Variants in IFT80 observed in about 807,000 individuals in gnomAD.
The protein encoded by IFT80 is intraflagellar transport protein 80 homolog.
In IFT80, 79 loss-of-function variants were observed where a neutral mutation model predicts 107.9. The ratio of observed to expected loss-of-function variants is 0.73; its 90% confidence interval spans 0.61 to 0.88. The LOEUF is 0.88. Ranked by LOEUF, IFT80 falls within the 40% of genes least tolerant of loss-of-function variation. The probability of loss-of-function intolerance (pLI) is 0.00; values close to 1 mark genes in which losing one functional copy is unlikely to be tolerated. For synonymous variants in IFT80, 299 were observed against 300.9 expected (o/e 0.99, Z 0.07); for missense variants, 797 against 914.2 (o/e 0.87, Z 1.65).
At chr3:160,260,107 G>A (rs1712697316) in intron 19 of IFT80, among the ~76,000 whole-genome samples, 1 of 152,066 alleles carries the variant, frequency 6.6e-6, no homozygotes, top group Non-Finnish European at 1.5e-5. Flanking sequence ...GAATTGCTGT[G>A]AAGCAATTTG....
intron 12 of IFT80, among the ~76,000 whole-genome samples, chr3:160,292,298 T>C (rs113002909): frequency 6.6e-6 from 1 of 152,102 alleles, no homozygotes; most frequent in African/African-American, 2.4e-5. Flanking sequence ...TGTCCAACAA[T>C]GGGCAGAGAG....
chr3:160,382,285 C>T (rs1712578129), intron 2 of IFT80, among the ~76,000 whole-genome samples: 1 of 152,108 alleles, frequency 6.6e-6, no homozygotes, highest in South Asian at 2.1e-4. Context: ...TATGGTTTAA[C>T]AGCTGAAACT....
intron 8 of IFT80, chr3:160,343,890 ACT>A: frequency 4.7e-6 from 1 of 211,966 alleles, no homozygotes; most frequent in Non-Finnish European, 9.9e-6. Context: ...CATCTAACAG[ACT>A]CTCAATAAAT....
chr3:160,345,342 C>T (rs552330861), intron 8 of IFT80, among the ~76,000 whole-genome samples: 1 of 152,172 alleles, frequency 6.6e-6, no homozygotes, highest in East Asian at 1.9e-4. Context: ...TACAGAAAGA[C>T]AAATATTGCA....
In IFT80 at chr3:160,309,332, G is replaced by C. The variant is rs2108279550; in HGVS notation, c.958-1551C>G. 1.3e-5 allele frequency among the ~76,000 whole-genome samples: 2 copies of C among 152,304 alleles called. 1 individual carries two copies. Among genetic ancestry groups the C allele is most frequent in the Non-Finnish European group, 2.9e-5 (2 of 68,020 alleles). On this transcript the variant is annotated intron_variant, in intron 9 of 19. Coordinates refer to ENST00000326448, the MANE Select transcript of IFT80 (RefSeq NM_020800.3). ...GTATAAACTATGATATAGTCACACA[G>C]GGGAATATTATACAGCTATAAAAAG... is the stretch of plus-strand genomic sequence containing the variant.
intron 18 of IFT80, among the ~76,000 whole-genome samples, chr3:160,272,105 T>C (rs1254212221): frequency 2.6e-5 from 4 of 152,240 alleles, no homozygotes; most frequent in South Asian, 2.1e-4. Flanking sequence ...GTCCAGTTTC[T>C]TCAATGGGAA....
At chr3:160,383,816 T>C in intron 2 of IFT80, 1 of 985,418 alleles carries the variant, frequency 1.0e-6, no homozygotes, top group Non-Finnish European at 1.2e-6. Flanking sequence ...CACCTTCCCA[T>C]GTGAAATAAT....
chr3:160,359,657 G>C (rs775577117), intron 6 of IFT80, among the ~76,000 whole-genome samples: 6 of 152,184 alleles, frequency 3.9e-5, no homozygotes, highest in Admixed American at 6.5e-5. Flanking sequence ...AGCAATATTT[G>C]CTGTTCTGCA....
intron 11 of IFT80, 63 bp downstream of exon 11, chr3:160,303,852 T>TA (rs1716623475): frequency 9.8e-7 from 1 of 1,021,440 alleles, no homozygotes; most frequent in Admixed American, 1.7e-5. Context: ...ATGTTTTTAT[T>TA]AAAGAGTGCT....
At chr3:160,382,322 T>C (rs988354702) in intron 2 of IFT80, among the ~76,000 whole-genome samples, 1 of 152,114 alleles carries the variant, frequency 6.6e-6, no homozygotes, top group African/African-American at 2.4e-5. Flanking sequence ...TTTTTTAAAT[T>C]TTTCATTTTA....
chr3:160,328,864 T>C (rs1718880225), intron 8 of IFT80, among the ~76,000 whole-genome samples: 1 of 152,098 alleles, frequency 6.6e-6, no homozygotes, highest in Non-Finnish European at 1.5e-5. Context: ...TGGGACATTA[T>C]CCTTAGCAAA....
chr3:160,291,123 T>C (rs1449840394), intron 12 of IFT80, among the ~76,000 whole-genome samples: 1 of 152,142 alleles, frequency 6.6e-6, no homozygotes, highest in African/African-American at 2.4e-5. Context: ...AGAATACAGA[T>C]TGGAACTTAC....
intron 12 of IFT80, 99 bp downstream of exon 12, chr3:160,300,784 G>T: frequency 1.1e-6 from 1 of 892,898 alleles, no homozygotes; most frequent in Non-Finnish European, 1.7e-6. Flanking sequence ...CTATAAAGCT[G>T]ATGTACTGGT....
intron 18 of IFT80, among the ~76,000 whole-genome samples, chr3:160,269,974 T>C (rs1713669124): frequency 6.6e-6 from 1 of 152,194 alleles, no homozygotes; most frequent in African/African-American, 2.4e-5. Context: ...TAGGAAAATC[T>C]GGTTCATTTT....
chr3:160,367,908 C>T (rs913034904), intron 5 of IFT80, among the ~76,000 whole-genome samples: 3 of 151,820 alleles, frequency 2.0e-5, no homozygotes, highest in African/African-American at 4.8e-5. Flanking sequence ...TCCACTTGCC[C>T]GGCCCAGCTG....
chr3:160,391,954 A>G (rs1366032646), intron 1 of IFT80, among the ~76,000 whole-genome samples: 1 of 152,236 alleles, frequency 6.6e-6, no homozygotes, highest in African/African-American at 2.4e-5. Context: ...CAGGGATGTA[A>G]GGTATGACAC....
At chr3:160,396,216 G>A (rs1010834774) in intron 1 of IFT80, among the ~76,000 whole-genome samples, 17 of 151,820 alleles carry the variant, frequency 1.1e-4, no homozygotes, top group African/African-American at 3.4e-4. Flanking sequence ...TGTGTGTTTC[G>A]GTAACATTAA....
intron 3 of IFT80, among the ~76,000 whole-genome samples, chr3:160,381,265 T>TATATATATATA (rs1559971346): frequency 5.1e-4 from 69 of 135,164 alleles, no homozygotes; most frequent in South Asian, 9.1e-4. Context: ...TATATATATA[T>TATATATATATA]TAAAGCCAAA....
intron 8 of IFT80, among the ~76,000 whole-genome samples, chr3:160,329,091 T>A (rs1436752568): frequency 1.3e-5 from 2 of 152,110 alleles, no homozygotes; most frequent in Admixed American, 1.3e-4. Context: ...AACAAACTCC[T>A]ATGACACACA....
Sources: gnomAD v4.1 joint callset for allele counts (sites outside exome capture counted in the v4.1 genomes callset) on GRCh38, gnomAD v4.1.1 for gene constraint, MANE v1.5 for transcripts, NCBI Gene and HGNC (gene_info 2026-07-23, HGNC 2026-07-21) for gene names.